Variants in LIPA observed in about 807,000 individuals in gnomAD.
LIPA encodes the protein lysosomal acid lipase/cholesteryl ester hydrolase.
A neutral mutation model predicts 40.6 loss-of-function variants in LIPA; 26 were observed. The observed-to-expected ratio is 0.64, with a 90% CI of 0.47 to 0.89. LIPA has a LOEUF of 0.89. Among genes scored for constraint, LIPA ranks in the 40% least tolerant of loss-of-function variants. LIPA has a pLI of 0.00. For synonymous variants in LIPA, 188 were observed against 168.4 expected, an observed-to-expected ratio of 1.12 and a Z score of -0.90; for missense variants, 455 against 479.6, an observed-to-expected ratio of 0.95 and a Z score of 0.48.
intron 2 of LIPA, among the ~76,000 whole-genome samples, chr10:89,365,780 T>C (rs1198952489): frequency 1.1e-4 from 16 of 152,220 alleles, no homozygotes; most frequent in Non-Finnish European, 1.8e-4. Flanking sequence ...GTATTATTTC[T>C]GAGGGCTCTG....
intron 1 of LIPA, among the ~76,000 whole-genome samples, chr10:89,295,356 A>G (rs1716292539): frequency 6.6e-6 from 1 of 152,246 alleles, no homozygotes; most frequent in Admixed American, 6.5e-5. Flanking sequence ...AAAACAAAAA[A>G]GAGGGTCAAA....
At chr10:89,394,185 T>A (rs1439092711) in intron 2 of LIPA, among the ~76,000 whole-genome samples, 2 of 152,212 alleles carry the variant, frequency 1.3e-5, no homozygotes. Flanking sequence ...TACTGAATAC[T>A]GTAGGCAACT....
chr10:89,218,791 C>T (rs562792983), intron 8 of LIPA, among the ~76,000 whole-genome samples: 36 of 152,310 alleles, frequency 2.4e-4, no homozygotes, highest in African/African-American at 8.7e-4. Context: ...TATCATCAGT[C>T]TGGGCCACCT....
At chr10:89,291,223 CTCT>C (rs1297408209) in intron 1 of LIPA, among the ~76,000 whole-genome samples, 1 of 151,438 alleles carries the variant, frequency 6.6e-6, no homozygotes, top group African/African-American at 2.4e-5. Flanking sequence ...TCCCTCCATT[CTCT>C]TCTTCCTCAT....
intron 2 of LIPA, among the ~76,000 whole-genome samples, chr10:89,365,668 T>G (rs576358126): frequency 0.018 from 2,681 of 152,220 alleles, 38 homozygotes; most frequent in African/African-American, 0.043. Context: ...TTTCTACATA[T>G]GGCTAGCCAG....
chr10:89,375,428 C>T (rs1844115054), intron 2 of LIPA, among the ~76,000 whole-genome samples: 1 of 152,180 alleles, frequency 6.6e-6, no homozygotes, highest in Non-Finnish European at 1.5e-5. Context: ...CAGAAGAAAA[C>T]ATCCCATTGG....
Position 89,400,071 on chromosome 10 carries a change from A to T in LIPA, c.61+12720T>A, listed in dbSNP as rs141379224. Among the ~76,000 whole-genome samples, 1,448 of 152,360 alleles carry T rather than the reference A, an allele frequency of 9.5e-3. 12 individuals carry two copies. The highest frequency in any genetic ancestry group is 0.017 in the Middle Eastern group (5 of 294). Reference sequence around the variant, plus strand: ...ATATTGAGTTATGACATTCTGAGCTAACTAATACAGTCAGATAAGTAAGGG... The same window carrying T: ...ATATTGAGTTATGACATTCTGAGCTTACTAATACAGTCAGATAAGTAAGGG... On this transcript the variant is annotated intron_variant, in intron 2 of 8. Coordinates refer to the LIPA transcript ENST00000371837.
In LIPA at chr10:89,350,786, T is replaced by C. The variant is rs554260283; in HGVS notation, c.61+62005A>G. On this transcript the variant is annotated intron_variant, in intron 2 of 8. Coordinates refer to the LIPA transcript ENST00000371837. ...GTTTATCTGTCTAGTGAACTTGCAG[T>C]TGCATAGCTAGGGAAACAGAGTCTT... Among the ~76,000 whole-genome samples the C allele has an allele frequency of 7.9e-5, 12 of 152,266 alleles. No individual in the cohort carries two copies. In the East Asian group the frequency reaches 1.7e-3, roughly 22 times the overall value.
intron 2 of LIPA, among the ~76,000 whole-genome samples, chr10:89,363,889 A>G (rs1040742722): frequency 6.6e-6 from 1 of 152,048 alleles, no homozygotes; most frequent in African/African-American, 2.4e-5. Flanking sequence ...AGGCAAGTTC[A>G]TTTGCTTAAA....
At chr10:89,407,381 G>C (rs1841428652) in intron 2 of LIPA, among the ~76,000 whole-genome samples, 1 of 152,140 alleles carries the variant, frequency 6.6e-6, no homozygotes, top group South Asian at 2.1e-4. Context: ...CTATAAGAAT[G>C]ATTTCTAGTA....
intron 2 of LIPA, among the ~76,000 whole-genome samples, chr10:89,389,975 C>CTTTTT (rs56947144): frequency 3.0e-3 from 241 of 80,266 alleles, no homozygotes; most frequent in Non-Finnish European, 4.2e-3. Context: ...AGATTTCTTT[C>CTTTTT]TTTTTTTTTT....
At chr10:89,261,421 CT>C (rs1324673312) in intron 1 of LIPA, among the ~76,000 whole-genome samples, 2 of 152,178 alleles carry the variant, frequency 1.3e-5, no homozygotes, top group Non-Finnish European at 2.9e-5. Context: ...AGGAGAATCG[CT>C]TGAACCCGGG....
intron 1 of LIPA, among the ~76,000 whole-genome samples, chr10:89,282,373 C>T (rs1170218736): frequency 6.6e-6 from 1 of 152,168 alleles, no homozygotes; most frequent in Non-Finnish European, 1.5e-5. Flanking sequence ...CATGGTGGCT[C>T]ATGCGTGTAA....
Position 89,403,471 on chromosome 10 carries a change from T to G in LIPA, c.61+9320A>C, listed in dbSNP as rs558170816. ...CAAAAGAAATCTGACGTCAATGCAA[T>G]TATCCATTATTTAAAAGCTATAAAA... is the stretch of plus-strand genomic sequence containing the variant. On this transcript the variant is annotated intron_variant, in intron 2 of 8. Transcript: ENST00000371837. The G allele has an allele frequency of 1.3e-5, 21 of 1,612,782 alleles. 1 individual carries two copies. The Admixed American group carries it at 3.3e-4, about 26-fold the overall frequency.
chr10:89,366,289 A>G (rs1297655366), intron 2 of LIPA, among the ~76,000 whole-genome samples: 3 of 152,118 alleles, frequency 2.0e-5, no homozygotes, highest in African/African-American at 4.8e-5. Flanking sequence ...ATTTTTGCAC[A>G]TTGATTTTGT....
intron 1 of LIPA, among the ~76,000 whole-genome samples, chr10:89,299,296 C>T (rs528061099): frequency 6.0e-5 from 9 of 150,620 alleles, no homozygotes; most frequent in East Asian, 1.9e-4. Flanking sequence ...TCCAATAAGA[C>T]GAAAATAAAG....
intron 2 of LIPA, among the ~76,000 whole-genome samples, chr10:89,385,455 A>G (rs1844203884): frequency 6.6e-6 from 1 of 152,316 alleles, no homozygotes; most frequent in Non-Finnish European, 1.5e-5. Flanking sequence ...TGCTGGGACA[A>G]TAAGAATCAT....
rs1041742748 is a variant in LIPA at position 89,214,794 on chromosome 10, A to G, written c.*34T>C. The G allele has an allele frequency of 1.1e-5, 14 of 1,236,808 alleles. No homozygotes were observed. Among genetic ancestry groups the G allele is most frequent in the African/African-American group, 4.4e-5 (3 of 67,424 alleles). The allele number at this position is 1,236,808 out of a possible 1,614,324, so 76.6% of individuals were successfully genotyped here. On this transcript the variant is annotated 3_prime_UTR_variant, in exon 10 of 10. Transcript: ENST00000336233. ...AAACACATTTTCACATGACATAATC[A>G]TTGACTTGGTGGTACACAGCTCAAG...
chr10:89,253,149 A>G (rs1843154599), upstream of LIPA, among the ~76,000 whole-genome samples: 1 of 152,246 alleles, frequency 6.6e-6, no homozygotes. Context: ...TATTTTCAAT[A>G]GAAGGGCAGC....
Sources: gnomAD v4.1 joint callset for allele counts (sites outside exome capture counted in the v4.1 genomes callset) on GRCh38, gnomAD v4.1.1 for gene constraint, MANE v1.5 for transcripts, NCBI Gene and HGNC (gene_info 2026-07-23, HGNC 2026-07-21) for gene names.